SVOPL: variants seen among roughly 807,000 people sequenced by gnomAD.
SVOPL encodes the protein SVOP like.
In SVOPL, 60 loss-of-function variants were observed where a neutral mutation model predicts 61.0. The ratio of observed to expected loss-of-function variants is 0.98; its 90% CI spans 0.80 to 1.22. SVOPL has a LOEUF of 1.22. Ranked by LOEUF, SVOPL falls within the 50% of genes most tolerant of loss-of-function variation. The probability of loss-of-function intolerance (pLI) is 0.00; values close to 1 mark genes in which losing one functional copy is unlikely to be tolerated. For missense variants in SVOPL, 662 were observed against 643.9 expected (o/e 1.03, Z -0.30); for synonymous variants, 279 against 250.0 (o/e 1.12, Z -1.09).
intron 7 of SVOPL, 91 bp from the exon 8 acceptor site, chr7:138,649,228 A>C: frequency 6.9e-7 from 1 of 1,441,432 alleles, no homozygotes; most frequent in Non-Finnish European, 9.2e-7. Context: ...AGAAAGATTA[A>C]AATTCCTTCT....
At chr7:138,623,549 G>A (rs1281405633) in intron 13 of SVOPL, among the ~76,000 whole-genome samples, 8 of 151,992 alleles carry the variant, frequency 5.3e-5, no homozygotes, top group Admixed American at 1.3e-4. Context: ...GCAGTGAGCC[G>A]AGATCGCGCC....
chr7:138,667,576 C>T (rs951790300), intron 4 of SVOPL, among the ~76,000 whole-genome samples: 1 of 152,140 alleles, frequency 6.6e-6, no homozygotes, highest in African/African-American at 2.4e-5. Context: ...TGTAGATTTA[C>T]TGGGCACTAA....
chr7:138,596,940 C>G, intron 14 of SVOPL: 5 of 1,115,902 alleles, frequency 4.5e-6, no homozygotes, highest in Non-Finnish European at 5.5e-6. Context: ...TCAGTCCTGA[C>G]AGCATGAAAC....
Position 138,689,411 on chromosome 7 carries a change from C to A in SVOPL, c.-34-10332G>T, listed in dbSNP as rs1333004858. ...TTTACCCATGCATGAGCTCTCCCTG[C>A]CACATCGAGATGATCCTTACTGAAA... On this transcript the variant is annotated intron_variant, in intron 1 of 15. Transcript: ENST00000674285. The A allele has an allele frequency of 3.0e-6, 4 of 1,321,674 alleles. No individual in the cohort carries two copies. In the South Asian group the frequency reaches 3.5e-5, roughly 12 times the overall value. 81.9% of individuals were successfully genotyped at this position (1,321,674 alleles called of 1,614,324 possible). A position where few individuals can be genotyped will look rare whatever the true frequency, so the allele number is the denominator to read the frequency against.
chr7:138,671,149 A>G (rs1802405693), intron 4 of SVOPL, among the ~76,000 whole-genome samples: 1 of 152,084 alleles, frequency 6.6e-6, no homozygotes, highest in Admixed American at 6.6e-5. Flanking sequence ...ATAGAATGCA[A>G]TTCATGCTCA....
chr7:138,662,745 C>G (rs938935758), intron 5 of SVOPL: 95 of 1,123,110 alleles, frequency 8.5e-5, no homozygotes, highest in Non-Finnish European at 1.0e-4. Context: ...ATGACTGCTT[C>G]TAAGTCCCAA....
At chr7:138,630,622 T>C (rs73465667) in intron 9 of SVOPL, among the ~76,000 whole-genome samples, 7,883 of 152,254 alleles carry the variant, frequency 0.052, 676 homozygotes, top group African/African-American at 0.18. Flanking sequence ...TTGTCCATAG[T>C]ACCTATTGAA....
chr7:138,680,392 G>A (rs1043508309), intron 1 of SVOPL, among the ~76,000 whole-genome samples: 7 of 152,120 alleles, frequency 4.6e-5, no homozygotes, highest in Admixed American at 1.3e-4. Context: ...CAAGTGATCC[G>A]CCTGCCTTGG....
chr7:138,700,185 A>G (rs2117154519), intron 1 of SVOPL, among the ~76,000 whole-genome samples: 1 of 152,290 alleles, frequency 6.6e-6, no homozygotes, highest in African/African-American at 2.4e-5. Context: ...CTAGAGTTTC[A>G]GCCAAAAGCT....
intron 5 of SVOPL, chr7:138,661,533 AC>A (rs1802000598): frequency 1.0e-6 from 1 of 985,052 alleles, no homozygotes; most frequent in Non-Finnish European, 1.2e-6. Context: ...TGTTTTTCTT[AC>A]CTTCCCTGTA....
At chr7:138,613,626 G>T (rs1314139737) in intron 14 of SVOPL, among the ~76,000 whole-genome samples, 3 of 151,824 alleles carry the variant, frequency 2.0e-5, no homozygotes, top group African/African-American at 7.3e-5. Flanking sequence ...TCCCAGAGAG[G>T]ACTACCTAAA....
At chr7:138,615,450 G>A (rs1424152233) in intron 14 of SVOPL, among the ~76,000 whole-genome samples, 3 of 151,706 alleles carry the variant, frequency 2.0e-5, no homozygotes, top group East Asian at 1.9e-4. Context: ...CCAGCTACTC[G>A]GGAGGCTGAG....
intron 1 of SVOPL, among the ~76,000 whole-genome samples, chr7:138,696,945 C>G (rs1803077112): frequency 1.3e-5 from 2 of 152,204 alleles, no homozygotes; most frequent in South Asian, 4.1e-4. Flanking sequence ...CAGGGATAGG[C>G]ACTTGACCTG....
intron 14 of SVOPL, among the ~76,000 whole-genome samples, chr7:138,618,522 G>T (rs1370989332): frequency 6.6e-6 from 1 of 152,142 alleles, no homozygotes; most frequent in African/African-American, 2.4e-5. Flanking sequence ...TCAGCCAAGA[G>T]CGGTGGTGGG....
intron 1 of SVOPL, among the ~76,000 whole-genome samples, chr7:138,687,995 G>C (rs1376428253): frequency 6.6e-6 from 1 of 151,914 alleles, no homozygotes; most frequent in African/African-American, 2.4e-5. Context: ...TAGAGACAAG[G>C]TTTCACCATG....
At chr7:138,639,170 G>C (rs1227847934) in intron 9 of SVOPL, among the ~76,000 whole-genome samples, 1 of 152,048 alleles carries the variant, frequency 6.6e-6, no homozygotes, top group Non-Finnish European at 1.5e-5. Flanking sequence ...CAGGAGAATT[G>C]CTTGAACCTA....
In SVOPL at chr7:138,641,814, TTATATA is replaced by T. The variant is rs10666134; in HGVS notation, c.789+2897_789+2902del. ...TCTAGACGTATCAAATATATATATG[TTATATA>T]TATATATATATATAACATATATATA... is the stretch of plus-strand genomic sequence containing the variant. On this transcript the variant is annotated intron_variant, in intron 9 of 15. Transcript: ENST00000674285. Among the ~76,000 whole-genome samples the T allele has an allele frequency of 5.0e-5, 6 of 120,978 alleles. No homozygotes were observed. In the South Asian group the frequency reaches 1.5e-3, roughly 30 times the overall value. 79.4% of individuals were successfully genotyped at this position (120,978 alleles called of 152,430 possible). A position where few individuals can be genotyped will look rare whatever the true frequency, so the allele number is the denominator to read the frequency against.
chr7:138,617,547 T>C (rs2116852860), intron 14 of SVOPL, among the ~76,000 whole-genome samples: 1 of 152,268 alleles, frequency 6.6e-6, no homozygotes. Context: ...CTGGGGATAC[T>C]TAAAAATATA....
intron 7 of SVOPL, among the ~76,000 whole-genome samples, chr7:138,652,353 G>C (rs932931122): frequency 1.3e-5 from 2 of 151,672 alleles, no homozygotes; most frequent in Non-Finnish European, 2.9e-5. Flanking sequence ...TGTCTGGCCC[G>C]ATTTTTTGAT....
Sources: gnomAD v4.1 joint callset for allele counts (sites outside exome capture counted in the v4.1 genomes callset) on GRCh38, gnomAD v4.1.1 for gene constraint, MANE v1.5 for transcripts, NCBI Gene and HGNC (gene_info 2026-07-23, HGNC 2026-07-21) for gene names.